ROR1: variants seen among roughly 807,000 people sequenced by gnomAD.
ROR1 encodes ROR family WNT receptor 1.
Under a neutral mutation model 78.8 loss-of-function variants are expected in ROR1, and 19 were observed. The observed-to-expected ratio is 0.24, with a 90% confidence interval of 0.17 to 0.35. The LOEUF (loss-of-function observed/expected upper bound fraction) is 0.35, where lower values mean the gene tolerates loss of function less well. Among genes scored for constraint, ROR1 ranks in the 10% least tolerant of loss-of-function variants. The pLI, the probability that ROR1 is intolerant of heterozygous loss-of-function variation, is 1.00. For missense variants in ROR1, 917 were observed against 1,177.8 expected, an observed-to-expected ratio of 0.78 and a Z score of 3.24; for synonymous variants, 386 against 433.6, an observed-to-expected ratio of 0.89 and a Z score of 1.36.
chr1:63,861,500 T>G (rs908332706), intron 1 of ROR1, among the ~76,000 whole-genome samples: 3 of 152,176 alleles, frequency 2.0e-5, no homozygotes, highest in African/African-American at 7.2e-5. Context: ...GGATGTTACA[T>G]AGCCAAGAAC....
chr1:64,046,150 C>T (rs1051717541), intron 2 of ROR1, among the ~76,000 whole-genome samples: 2 of 152,082 alleles, frequency 1.3e-5, no homozygotes, highest in African/African-American at 4.8e-5. Flanking sequence ...AGACCCAACC[C>T]CAAAGGCCCA....
intron 4 of ROR1, among the ~76,000 whole-genome samples, chr1:64,087,351 C>T (rs1339888737): frequency 6.6e-6 from 1 of 152,178 alleles, no homozygotes; most frequent in African/African-American, 2.4e-5. Context: ...CTGGCTTATA[C>T]AAAACGTAAG....
In ROR1 at chr1:64,180,846, C is replaced by T. The variant is rs1020151232; in HGVS notation, c.*1991C>T. On this transcript the variant is annotated 3_prime_UTR_variant, in exon 9 of 9. Transcript: ENST00000371079. ...ATTCCATGAGCCAGTAAAATACCTA[C>T]TCTGGTAAAACATTATTATGGTTAA... is the stretch of plus-strand genomic sequence containing the variant. 1.3e-5 allele frequency: 2 copies of T among 152,112 alleles called. No homozygotes were observed. The highest frequency in any genetic ancestry group is 4.8e-5 in the African/African-American group (2 of 41,452). 9.4% of individuals were successfully genotyped at this position (152,112 alleles called of 1,614,324 possible). A position where few individuals can be genotyped will look rare whatever the true frequency, so the allele number is the denominator to read the frequency against.
chr1:64,022,296 C>T lies in ROR1; in HGVS notation c.163+12920C>T, dbSNP rs532104528. Among the ~76,000 whole-genome samples, 13 of 152,302 alleles carry T rather than the reference C, an allele frequency of 8.5e-5. No homozygotes were observed. In the East Asian group the frequency reaches 2.5e-3, roughly 29 times the overall value. ...ACACTTTCCTTTTGGGCTGCCAGAT[C>T]TGTTTTCCAATTAGATAGAAATGGT... On this transcript the variant is annotated intron_variant, in intron 2 of 8. Coordinates refer to ENST00000371079, the MANE Select transcript of ROR1 (RefSeq NM_005012.4).
chr1:63,861,100 T>G (rs1450254375), intron 1 of ROR1, among the ~76,000 whole-genome samples: 2 of 152,098 alleles, frequency 1.3e-5, no homozygotes, highest in African/African-American at 4.8e-5. Context: ...ATAAAAAGGT[T>G]TTCTCTCTTT....
chr1:63,966,573 T>C (rs1027694292), intron 1 of ROR1, among the ~76,000 whole-genome samples: 2 of 152,216 alleles, frequency 1.3e-5, no homozygotes, highest in Non-Finnish European at 2.9e-5. Context: ...AATGGGTCTC[T>C]TATGGAATTA....
chr1:63,844,675 G>A (rs748422942), intron 1 of ROR1, among the ~76,000 whole-genome samples: 14 of 152,116 alleles, frequency 9.2e-5, no homozygotes, highest in Non-Finnish European at 1.9e-4. Flanking sequence ...TGAGAATTAG[G>A]CCCTATAGGA....
In ROR1 at chr1:63,845,855, G is replaced by A. The variant is rs184304250; in HGVS notation, c.91+71347G>A. Among the ~76,000 whole-genome samples, 47 of 152,268 alleles carry A rather than the reference G, an allele frequency of 3.1e-4. No individual in the cohort carries two copies. In the East Asian group the frequency reaches 6.2e-3, roughly 20 times the overall value. ...TTGTAGTCTCCATGTCACAGATGAGGAATTTATTTGGTGTAGAGATTTAGT... is the reference window on the plus strand; with the variant it reads ...TTGTAGTCTCCATGTCACAGATGAGAAATTTATTTGGTGTAGAGATTTAGT... On this transcript the variant is annotated intron_variant, in intron 1 of 8. Coordinates refer to ENST00000371079, the MANE Select transcript of ROR1 (RefSeq NM_005012.4).
intron 1 of ROR1, among the ~76,000 whole-genome samples, chr1:63,872,702 A>G (rs763353873): frequency 1.3e-5 from 2 of 152,150 alleles, no homozygotes; most frequent in South Asian, 4.1e-4. Context: ...AAAGTGGGGA[A>G]ATATTTAGGA....
chr1:64,112,366 GA>G (rs77074309), intron 4 of ROR1, among the ~76,000 whole-genome samples: 2 of 151,366 alleles, frequency 1.3e-5, no homozygotes, highest in African/African-American at 2.4e-5. Flanking sequence ...CTGGGGCACA[GA>G]AAAAAAAAGT....
chr1:63,837,751 G>C (rs1434170415), intron 1 of ROR1, among the ~76,000 whole-genome samples: 2 of 152,188 alleles, frequency 1.3e-5, no homozygotes, highest in African/African-American at 4.8e-5. Flanking sequence ...AGCCCAGGAG[G>C]TTGAGGCTGC....
intron 1 of ROR1, among the ~76,000 whole-genome samples, chr1:63,801,324 T>G (rs1644796047): frequency 6.6e-6 from 1 of 152,152 alleles, no homozygotes; most frequent in Non-Finnish European, 1.5e-5. Flanking sequence ...AGACAGAGTC[T>G]CGCTCTGTCA....
Position 64,008,929 on chromosome 1 carries a change from A to G in ROR1, c.92-376A>G, listed in dbSNP as rs140867143. ...ATTACAGGTGTGAGCCACTGTGCCC[A>G]GCGTGACTTTTTAATGATAGCCATT... is the stretch of plus-strand genomic sequence containing the variant. On this transcript the variant is annotated intron_variant, in intron 1 of 8. Transcript: ENST00000371079. Among the ~76,000 whole-genome samples the G allele has an allele frequency of 7.5e-3, 1,137 of 152,200 alleles. 12 individuals carry two copies. Among genetic ancestry groups the G allele is most frequent in the African/African-American group, 0.026 (1,075 of 41,518 alleles).
intron 7 of ROR1, among the ~76,000 whole-genome samples, chr1:64,147,382 A>G (rs1245031476): frequency 6.6e-6 from 1 of 152,140 alleles, no homozygotes; most frequent in Non-Finnish European, 1.5e-5. Context: ...GAACATTTTC[A>G]TTTTATTTTA....
chr1:63,842,007 T>A (rs751271980), intron 1 of ROR1, among the ~76,000 whole-genome samples: 2 of 152,192 alleles, frequency 1.3e-5, no homozygotes, highest in Non-Finnish European at 2.9e-5. Context: ...ATATATTACA[T>A]TCTTGTACCT....
intron 4 of ROR1, among the ~76,000 whole-genome samples, chr1:64,115,545 A>G (rs116324113): frequency 0.019 from 2,946 of 152,060 alleles, 89 homozygotes; most frequent in African/African-American, 0.068. Flanking sequence ...CATCTGTATA[A>G]GAGGGTAAAT....
intron 4 of ROR1, among the ~76,000 whole-genome samples, chr1:64,099,652 T>C (rs1393101487): frequency 6.6e-6 from 1 of 152,238 alleles, no homozygotes; most frequent in Non-Finnish European, 1.5e-5. Flanking sequence ...GATTGAGTAA[T>C]GTCTTTTTCC....
At chr1:64,009,873 T>G (rs1646462239) in intron 2 of ROR1, among the ~76,000 whole-genome samples, 1 of 152,164 alleles carries the variant, frequency 6.6e-6, no homozygotes, top group Non-Finnish European at 1.5e-5. Context: ...AGGAGATTGT[T>G]GTTTAGCATT....
intron 1 of ROR1, among the ~76,000 whole-genome samples, chr1:63,919,908 A>G (rs1226413802): frequency 1.3e-5 from 2 of 152,236 alleles, no homozygotes; most frequent in African/African-American, 4.8e-5. Flanking sequence ...AGGTGGTTCA[A>G]CTATCCGGGA....
Sources: allele counts gnomAD v4.1 joint callset (sites outside exome capture counted in the v4.1 genomes callset), GRCh38; gene constraint gnomAD v4.1.1; transcripts MANE v1.5; gene names NCBI Gene and HGNC (gene_info 2026-07-23, HGNC 2026-07-21).